The following CSGALNACT1 variants were observed in gnomAD, a reference collection of about 807,000 sequenced individuals.
The protein encoded by CSGALNACT1 is chondroitin sulfate N-acetylgalactosaminyltransferase 1, also known as beta4GalNAcT-1.
In CSGALNACT1, 52 loss-of-function variants were observed where a neutral mutation model predicts 51.0. The observed-to-expected ratio is 1.02, with a 90% CI of 0.82 to 1.29. The LOEUF (loss-of-function observed/expected upper bound fraction) is 1.29, where lower values mean the gene tolerates loss of function less well. Ranked by LOEUF, CSGALNACT1 falls within the 50% of genes most tolerant of loss-of-function variation. The pLI is 0.00. For missense variants in CSGALNACT1, 935 were observed against 679.2 expected, an observed-to-expected ratio of 1.38 and a Z score of -4.19; for synonymous variants, 341 against 254.4, an observed-to-expected ratio of 1.34 and a Z score of -3.24.
At chr8:19,617,070 T>C (rs1173036878) in intron 1 of CSGALNACT1, among the ~76,000 whole-genome samples, 1 of 152,182 alleles carries the variant, frequency 6.6e-6, no homozygotes, top group African/African-American at 2.4e-5. Flanking sequence ...AACTAGACAG[T>C]CCCATCTGGG....
At chr8:19,405,396 G>A (rs2053944153) in exon 10 of CSGALNACT1, 1 of 461,198 alleles carries the variant, frequency 2.2e-6, no homozygotes, top group South Asian at 1.5e-5. Flanking sequence ...CATATGAGGA[G>A]AAATATGCTT....
intron 1 of CSGALNACT1, among the ~76,000 whole-genome samples, chr8:19,650,779 G>A (rs2057733964): frequency 2.0e-5 from 3 of 152,162 alleles, no homozygotes; most frequent in Admixed American, 1.3e-4. Context: ...AATACATGAG[G>A]GTTTTGGTAA....
intron 4 of CSGALNACT1, among the ~76,000 whole-genome samples, chr8:19,496,467 G>C (rs1482734181): frequency 2.0e-5 from 3 of 152,182 alleles, no homozygotes; most frequent in Non-Finnish European, 4.4e-5. Context: ...TTATTCATTT[G>C]TAGAGCAGTG....
At chr8:19,480,399 G>A (rs1286566972) in intron 4 of CSGALNACT1, among the ~76,000 whole-genome samples, 1 of 152,152 alleles carries the variant, frequency 6.6e-6, no homozygotes, top group East Asian at 1.9e-4. Flanking sequence ...TTTGCTTAGA[G>A]CTGGAGTGGT....
chr8:19,713,420 G>A (rs73202506), intron 1 of CSGALNACT1, among the ~76,000 whole-genome samples: 3,670 of 152,200 alleles, frequency 0.024, 67 homozygotes, highest in South Asian at 0.063. Flanking sequence ...AGTGTTATGC[G>A]TTGAATTGTG....
At chr8:19,421,926 C>A (rs2058015856) in intron 6 of CSGALNACT1, among the ~76,000 whole-genome samples, 1 of 152,058 alleles carries the variant, frequency 6.6e-6, no homozygotes, top group Non-Finnish European at 1.5e-5. Context: ...GTCTGGAAAC[C>A]TGGATCCAGG....
intron 3 of CSGALNACT1, among the ~76,000 whole-genome samples, chr8:19,509,703 C>G (rs1222600685): frequency 6.7e-6 from 1 of 149,514 alleles, no homozygotes; most frequent in Non-Finnish European, 1.5e-5. Context: ...TGAGACATAA[C>G]TGGACCAATA....
rs147056237 is a variant in CSGALNACT1 at position 19,539,148 on chromosome 8, A to G, written c.-296-33018T>C. 2.6e-5 allele frequency among the ~76,000 whole-genome samples: 4 copies of G among 152,320 alleles called. No individual in the cohort carries two copies. The East Asian group carries it at 7.7e-4, about 29-fold the overall frequency. ...CCAAGTGAAATGATTACTATAGTCAAGCAAATTTACACACCTCACAGAGTC... is the reference window on the plus strand; with the variant it reads ...CCAAGTGAAATGATTACTATAGTCAGGCAAATTTACACACCTCACAGAGTC... On this transcript the variant is annotated intron_variant, in intron 3 of 9. Coordinates refer to ENST00000454498, the Ensembl canonical transcript of CSGALNACT1.
At chr8:19,497,706 TA>T (rs1364333231) in intron 4 of CSGALNACT1, among the ~76,000 whole-genome samples, 1 of 151,970 alleles carries the variant, frequency 6.6e-6, no homozygotes, top group Non-Finnish European at 1.5e-5. Flanking sequence ...GAAAGGAAAA[TA>T]AATCCTCGGG....
chr8:19,717,205 T>C (rs1352762808), intron 1 of CSGALNACT1, among the ~76,000 whole-genome samples: 1 of 152,206 alleles, frequency 6.6e-6, no homozygotes, highest in Non-Finnish European at 1.5e-5. Context: ...CGCACAATGC[T>C]CAGTGCCTCT....
intron 4 of CSGALNACT1, among the ~76,000 whole-genome samples, chr8:19,483,406 A>G (rs1331340572): frequency 6.6e-6 from 1 of 152,110 alleles, no homozygotes; most frequent in African/African-American, 2.4e-5. Flanking sequence ...CCCAAACTCA[A>G]TGCTCCAGCC....
At chr8:19,574,365 C>G (rs1214177128) in intron 3 of CSGALNACT1, among the ~76,000 whole-genome samples, 1 of 152,236 alleles carries the variant, frequency 6.6e-6, no homozygotes, top group Non-Finnish European at 1.5e-5. Flanking sequence ...TCCACAGCCT[C>G]TTGGAATCTG....
intron 4 of CSGALNACT1, among the ~76,000 whole-genome samples, chr8:19,473,155 A>G (rs952734820): frequency 1.3e-5 from 2 of 152,190 alleles, no homozygotes; most frequent in African/African-American, 2.4e-5. Flanking sequence ...CCAGAGATGT[A>G]AAGATTTTTG....
chr8:19,550,273 A>T (rs1303107897), intron 3 of CSGALNACT1, among the ~76,000 whole-genome samples: 1 of 152,210 alleles, frequency 6.6e-6, no homozygotes, highest in Non-Finnish European at 1.5e-5. Flanking sequence ...GATGTACAGC[A>T]CTGCACCTGT....
intron 6 of CSGALNACT1, among the ~76,000 whole-genome samples, chr8:19,436,016 G>A (rs77884008): frequency 1.3e-5 from 2 of 151,986 alleles, no homozygotes; most frequent in Non-Finnish European, 2.9e-5. Context: ...CCACAAAATC[G>A]ATTTCACAAC....
At chr8:19,603,367 T>G (rs575298634), upstream of CSGALNACT1, among the ~76,000 whole-genome samples, 1 of 152,264 alleles carries the variant, frequency 6.6e-6, no homozygotes, top group South Asian at 2.1e-4. Flanking sequence ...CAGTTCACTG[T>G]GGGTTTACTG....
upstream of CSGALNACT1, among the ~76,000 whole-genome samples, chr8:19,683,531 C>T (rs185733455): frequency 4.6e-5 from 7 of 152,278 alleles, no homozygotes; most frequent in African/African-American, 9.6e-5. Flanking sequence ...GAGGGCTATA[C>T]AGTCCCTTTC....
intron 6 of CSGALNACT1, among the ~76,000 whole-genome samples, chr8:19,425,203 G>A (rs1010816824): frequency 6.6e-5 from 10 of 152,256 alleles, no homozygotes; most frequent in African/African-American, 2.4e-4. Flanking sequence ...TTAGCCAGGC[G>A]TGGTGGTGGC....
chr8:19,554,015 TTG>T (rs1279657995), intron 3 of CSGALNACT1, among the ~76,000 whole-genome samples: 8 of 151,896 alleles, frequency 5.3e-5, no homozygotes, highest in Admixed American at 3.3e-4. Flanking sequence ...AATTTCCAGT[TTG>T]TCCATTGTTC....
Sources: gnomAD v4.1 joint callset for allele counts (sites outside exome capture counted in the v4.1 genomes callset) on GRCh38, gnomAD v4.1.1 for gene constraint, MANE v1.5 for transcripts, NCBI Gene and HGNC (gene_info 2026-07-23, HGNC 2026-07-21) for gene names.